MBNL1: variants seen among roughly 807,000 people sequenced by gnomAD.
MBNL1 encodes muscleblind like splicing regulator 1.
In MBNL1, 8 loss-of-function variants were observed where a neutral mutation model predicts 42.2. The ratio of observed to expected loss-of-function variants is 0.19; its 90% CI spans 0.11 to 0.34. The LOEUF is 0.34. Among genes scored for constraint, MBNL1 ranks in the 10% least tolerant of loss-of-function variants. The pLI, the probability that MBNL1 is intolerant of heterozygous loss-of-function variation, is 1.00. For missense variants in MBNL1, 309 were observed against 495.3 expected (o/e 0.62, Z 3.57); for synonymous variants, 169 against 173.9 (o/e 0.97, Z 0.22).
In MBNL1 at chr3:152,447,826, A is replaced by C. The variant is rs566889810; in HGVS notation, c.961+53A>C. ...AATCTGATGATCTACAGAGAGTCCT[A>C]CTGTTAGAGCAGATAAACCACACCC... On this transcript the variant is annotated intron_variant, in intron 6 of 9. Coordinates refer to ENST00000324210, the MANE Select transcript of MBNL1 (RefSeq NM_021038.5). 44 of 1,555,316 alleles carry C rather than the reference A, an allele frequency of 2.8e-5. No homozygotes were observed. In the African/African-American group the frequency reaches 5.8e-4, roughly 21 times the overall value.
At position 152,335,024 on chromosome 3, in the gene MBNL1, T is replaced by A. The variant is rs940098102; in HGVS notation, c.174+34657T>A. ...AAGGAGATGGGTCTAAATGGTCTGC[T>A]CCAGCTTCTGCTGCTGCTGCTGCTG... On this transcript the variant is annotated intron_variant, in intron 2 of 9. Coordinates refer to ENST00000324210, the MANE Select transcript of MBNL1 (RefSeq NM_021038.5). 12 of 1,178,262 alleles carry A rather than the reference T, an allele frequency of 1.0e-5. No homozygotes were observed. In the Admixed American group the frequency reaches 3.3e-4, roughly 32 times the overall value. The allele number at this position is 1,178,262 out of a possible 1,614,324, so 73.0% of individuals were successfully genotyped here.
intron 2 of MBNL1, among the ~76,000 whole-genome samples, chr3:152,333,236 T>C (rs897913211): frequency 3.3e-5 from 5 of 152,200 alleles, no homozygotes; most frequent in Non-Finnish European, 7.3e-5. Flanking sequence ...GAAGATAAGA[T>C]ACACTTGAAA....
chr3:152,288,399 C>T (rs942108347), intron 1 of MBNL1, among the ~76,000 whole-genome samples: 2 of 152,172 alleles, frequency 1.3e-5, no homozygotes, highest in Non-Finnish European at 2.9e-5. Flanking sequence ...GGGAAAATTA[C>T]TACATGGGAA....
chr3:152,314,173 G>A (rs2068900147), intron 2 of MBNL1, among the ~76,000 whole-genome samples: 1 of 152,064 alleles, frequency 6.6e-6, no homozygotes. Flanking sequence ...TTTCATGATT[G>A]CACTATTCTT....
chr3:152,434,123 T>C (rs1411730743), intron 4 of MBNL1, among the ~76,000 whole-genome samples: 2 of 152,158 alleles, frequency 1.3e-5, no homozygotes, highest in East Asian at 3.8e-4. Context: ...ATCATGAGGG[T>C]TTGGTGTAGA....
intron 2 of MBNL1, among the ~76,000 whole-genome samples, chr3:152,413,799 T>G (rs1372458211): frequency 6.6e-6 from 1 of 152,234 alleles, no homozygotes; most frequent in Non-Finnish European, 1.5e-5. Context: ...AGGTGGTTGA[T>G]GAGATCTGCT....
In MBNL1 at chr3:152,458,276, A is replaced by T. The variant is rs570014969; in HGVS notation, c.1093-995A>T. On this transcript the variant is annotated intron_variant, in intron 8 of 9. Coordinates refer to ENST00000324210, the MANE Select transcript of MBNL1 (RefSeq NM_021038.5). ...AAATTGTGTAAAAATGTCAGCTGAGAACTGGAAATAAAACAGGGACATATT... is the reference window on the plus strand; with the variant it reads ...AAATTGTGTAAAAATGTCAGCTGAGTACTGGAAATAAAACAGGGACATATT... 4.1e-6 allele frequency: 5 copies of T among 1,216,706 alleles called. No homozygotes were observed. The South Asian group carries it at 6.3e-5, about 15-fold the overall frequency. 75.4% of individuals were successfully genotyped at this position (1,216,706 alleles called of 1,614,324 possible).
chr3:152,434,894 T>G (rs2099057450), intron 4 of MBNL1, among the ~76,000 whole-genome samples: 1 of 152,178 alleles, frequency 6.6e-6, no homozygotes. Flanking sequence ...AATAGGGTTG[T>G]TTGTTTTTTG....
intron 6 of MBNL1, among the ~76,000 whole-genome samples, chr3:152,453,692 CT>C (rs1728037003): frequency 1.3e-5 from 2 of 152,138 alleles, no homozygotes; most frequent in Non-Finnish European, 2.9e-5. Context: ...TGTTTATTTG[CT>C]GCAAATCCCT....
At chr3:152,387,764 T>C (rs1253032661) in intron 2 of MBNL1, among the ~76,000 whole-genome samples, 1 of 152,124 alleles carries the variant, frequency 6.6e-6, no homozygotes, top group Non-Finnish European at 1.5e-5. Flanking sequence ...TGTAATTTTA[T>C]AATTATATTT....
chr3:152,324,300 A>G (rs938159771), intron 2 of MBNL1, among the ~76,000 whole-genome samples: 3 of 152,184 alleles, frequency 2.0e-5, no homozygotes, highest in Non-Finnish European at 2.9e-5. Context: ...TAAATTGACT[A>G]TGACTTATAC....
intron 2 of MBNL1, among the ~76,000 whole-genome samples, chr3:152,383,867 C>T (rs963485957): frequency 2.0e-5 from 3 of 152,098 alleles, no homozygotes; most frequent in African/African-American, 7.2e-5. Flanking sequence ...TCCCTCACCT[C>T]AAATCCCTGT....
intron 2 of MBNL1, among the ~76,000 whole-genome samples, chr3:152,260,109 T>C (rs2149489443): frequency 6.6e-6 from 1 of 152,328 alleles, no homozygotes; most frequent in South Asian, 2.1e-4. Flanking sequence ...GTGACTATTG[T>C]AGACTGGATA....
intron 2 of MBNL1, among the ~76,000 whole-genome samples, chr3:152,250,028 A>C (rs946300131): frequency 3.3e-5 from 5 of 150,180 alleles, no homozygotes; most frequent in African/African-American, 1.2e-4. Flanking sequence ...GTAGCCTTGT[A>C]GTATAGTTTG....
rs547516225 is a variant in MBNL1 at position 152,433,479 on chromosome 3, G to A, written c.549+559G>A. On this transcript the variant is annotated intron_variant, in intron 4 of 9. Coordinates refer to ENST00000324210, the MANE Select transcript of MBNL1 (RefSeq NM_021038.5). ...ATAAAAGTTTTTTGCGGCCGGGCGC[G>A]GTGGCTCACACCTGTAATCCCAGCA... Among the ~76,000 whole-genome samples the A allele has an allele frequency of 2.6e-5, 4 of 152,170 alleles. 1 individual carries two copies. Among genetic ancestry groups the A allele is most frequent in the African/African-American group, 7.2e-5 (3 of 41,518 alleles).
intron 1 of MBNL1, among the ~76,000 whole-genome samples, chr3:152,282,097 G>A (rs1339789632): frequency 1.3e-5 from 2 of 152,098 alleles, no homozygotes; most frequent in Non-Finnish European, 2.9e-5. Context: ...CAACTAATGC[G>A]TTAGTTGACA....
chr3:152,246,247 C>T (rs1233031613), intron 2 of MBNL1, among the ~76,000 whole-genome samples: 1 of 152,062 alleles, frequency 6.6e-6, no homozygotes, highest in East Asian at 1.9e-4. Context: ...CACAAGGAAA[C>T]ATAGCCCAAG....
At chr3:152,374,704 T>C (rs1014144359) in intron 2 of MBNL1, among the ~76,000 whole-genome samples, 1 of 152,158 alleles carries the variant, frequency 6.6e-6, no homozygotes, top group Admixed American at 6.5e-5. Context: ...ATCTGAAACA[T>C]GTAAAAATAA....
chr3:152,455,342 T>A (rs1731434465), intron 6 of MBNL1, among the ~76,000 whole-genome samples, 200 bp from the exon 7 acceptor site: 1 of 152,234 alleles, frequency 6.6e-6, no homozygotes, highest in South Asian at 2.1e-4. Flanking sequence ...AACTGGCTTT[T>A]ATTCTTCACT....
Sources: gnomAD v4.1 joint callset for allele counts (sites outside exome capture counted in the v4.1 genomes callset) on GRCh38, gnomAD v4.1.1 for gene constraint, MANE v1.5 for transcripts, NCBI Gene and HGNC (gene_info 2026-07-23, HGNC 2026-07-21) for gene names.